Variants in RBMS1 observed in about 807,000 individuals in gnomAD.
RBMS1 encodes the protein RNA-binding motif, single-stranded-interacting protein 1.
In RBMS1, 17 loss-of-function variants were observed where a neutral mutation model predicts 62.3. The observed-to-expected ratio is 0.27, with a 90% CI of 0.19 to 0.41. The LOEUF (loss-of-function observed/expected upper bound fraction) is 0.41, where lower values mean the gene tolerates loss of function less well. Among genes scored for constraint, RBMS1 ranks in the 10% least tolerant of loss-of-function variants. The probability of loss-of-function intolerance (pLI) is 1.00; values close to 1 mark genes in which losing one functional copy is unlikely to be tolerated. For missense variants in RBMS1, 334 were observed against 504.5 expected (o/e 0.66, Z 3.24); for synonymous variants, 172 against 170.0 (o/e 1.01, Z -0.09).
At chr2:160,383,453 T>TTGGGG (rs1553518102) in intron 1 of RBMS1, among the ~76,000 whole-genome samples, 1 of 75,000 alleles carries the variant, frequency 1.3e-5, no homozygotes, top group African/African-American at 3.6e-5. Flanking sequence ...AGACATGAAT[T>TTGGGG]GGGGGGGGGG....
intron 9 of RBMS1, 79 bp downstream of exon 9, chr2:160,284,696 T>C (rs760404004): frequency 1.7e-6 from 2 of 1,175,700 alleles, no homozygotes; most frequent in African/African-American, 3.0e-5. Flanking sequence ...ACGCTCAAAA[T>C]TTTAAGACAC....
intron 1 of RBMS1, among the ~76,000 whole-genome samples, chr2:160,455,546 A>G (rs1684183174): frequency 6.6e-6 from 1 of 152,236 alleles, no homozygotes; most frequent in Admixed American, 6.5e-5. Context: ...CTGCATGGAT[A>G]CTATTTACTG....
At chr2:160,349,501 G>A (rs1011020342) in intron 2 of RBMS1, among the ~76,000 whole-genome samples, 1 of 151,276 alleles carries the variant, frequency 6.6e-6, no homozygotes, top group South Asian at 2.1e-4. Flanking sequence ...GCCTTTCCCA[G>A]CACTGAGTAA....
chr2:160,375,441 T>C (rs777862600), intron 1 of RBMS1, among the ~76,000 whole-genome samples: 6 of 152,158 alleles, frequency 3.9e-5, no homozygotes, highest in Non-Finnish European at 7.4e-5. Context: ...AAAACAATCT[T>C]AAAGAGCTCC....
At chr2:160,279,064 G>T in intron 10 of RBMS1, 1 of 161,386 alleles carries the variant, frequency 6.2e-6, no homozygotes, top group South Asian at 1.7e-4. Flanking sequence ...GGAAAAAAAA[G>T]GCAGTTGATG....
At chr2:160,490,955 C>A (rs1008570300) in intron 1 of RBMS1, among the ~76,000 whole-genome samples, 2 of 152,082 alleles carry the variant, frequency 1.3e-5, no homozygotes, top group East Asian at 3.9e-4. Flanking sequence ...CACACAGAGG[C>A]AAGAATCATG....
chr2:160,383,598 A>G (rs779013297), intron 1 of RBMS1, among the ~76,000 whole-genome samples: 4 of 152,190 alleles, frequency 2.6e-5, no homozygotes, highest in Non-Finnish European at 5.9e-5. Flanking sequence ...AGATCAGGGT[A>G]ATTAGCATAT....
At chr2:160,361,596 T>G (rs1693131801) in intron 2 of RBMS1, among the ~76,000 whole-genome samples, 1 of 152,208 alleles carries the variant, frequency 6.6e-6, no homozygotes, top group South Asian at 2.1e-4. Flanking sequence ...ATGTTTACAC[T>G]ATATTGTAGC....
chr2:160,390,870 C>G (rs2105210804), intron 1 of RBMS1, among the ~76,000 whole-genome samples: 1 of 133,786 alleles, frequency 7.5e-6, no homozygotes, highest in South Asian at 2.5e-4. Flanking sequence ...TATCTTCTAA[C>G]TGCAAGTTAA....
intron 4 of RBMS1, among the ~76,000 whole-genome samples, chr2:160,308,191 C>G (rs1574254229): frequency 6.6e-6 from 1 of 151,960 alleles, no homozygotes; most frequent in Admixed American, 6.6e-5. Context: ...CTCACGAGTG[C>G]GAGACCAGCC....
At chr2:160,292,845 C>T (rs1343284361) in intron 6 of RBMS1, among the ~76,000 whole-genome samples, 1 of 152,152 alleles carries the variant, frequency 6.6e-6, no homozygotes, top group African/African-American at 2.4e-5. Flanking sequence ...AGGTTGTGGG[C>T]CCCTGTCACT....
chr2:160,284,687 C>T (rs759141148), intron 9 of RBMS1, 88 bp downstream of exon 9: 16 of 1,072,218 alleles, frequency 1.5e-5, no homozygotes, highest in African/African-American at 4.7e-5. Flanking sequence ...ATTTCATAAA[C>T]GCTCAAAATT....
intron 4 of RBMS1, among the ~76,000 whole-genome samples, chr2:160,310,033 A>C (rs1689762702): frequency 6.6e-6 from 1 of 152,246 alleles, no homozygotes; most frequent in African/African-American, 2.4e-5. Flanking sequence ...TCTGTTCCTG[A>C]AAATCAGAAA....
chr2:160,470,484 T>G (rs1684870656), intron 1 of RBMS1, among the ~76,000 whole-genome samples: 1 of 152,208 alleles, frequency 6.6e-6, no homozygotes. Flanking sequence ...CTGTAATCAC[T>G]ATCATTACTA....
chr2:160,463,471 C>T (rs979522659), intron 1 of RBMS1, among the ~76,000 whole-genome samples: 3 of 152,176 alleles, frequency 2.0e-5, no homozygotes, highest in Admixed American at 1.3e-4. Context: ...CAGAATGAGA[C>T]GCACTTCAGT....
intron 1 of RBMS1, among the ~76,000 whole-genome samples, chr2:160,474,904 G>A (rs928011813): frequency 6.6e-6 from 1 of 152,126 alleles, no homozygotes; most frequent in Non-Finnish European, 1.5e-5. Context: ...GTAATATATC[G>A]TATTTATGGT....
chr2:160,449,658 C>A (rs1375881801), intron 1 of RBMS1, among the ~76,000 whole-genome samples: 1 of 152,080 alleles, frequency 6.6e-6, no homozygotes, highest in Non-Finnish European at 1.5e-5. Context: ...ACCACTCCCT[C>A]ATCTCAAGTA....
At chr2:160,313,545 A>G (rs1487916457) in intron 3 of RBMS1, among the ~76,000 whole-genome samples, 1 of 152,114 alleles carries the variant, frequency 6.6e-6, no homozygotes, top group Non-Finnish European at 1.5e-5. Flanking sequence ...TAAGTTGCCA[A>G]CCAAGTTTAA....
Position 160,404,204 on chromosome 2 carries a change from CTT to C in RBMS1, c.76-36815_76-36814del, listed in dbSNP as rs1331980182. ...TATCACTCCATTCAAAAGCTTCTCA[CTT>C]TGACTTGAGCTGAGCAGGTGTATTT... On this transcript the variant is annotated intron_variant, in intron 1 of 13. Coordinates refer to ENST00000348849, the MANE Select transcript of RBMS1 (RefSeq NM_016836.4). 2.0e-5 allele frequency among the ~76,000 whole-genome samples: 3 copies of C among 152,134 alleles called. No homozygotes were observed. In the South Asian group the frequency reaches 6.2e-4, roughly 31 times the overall value.
Sources: gnomAD v4.1 joint callset for allele counts (sites outside exome capture counted in the v4.1 genomes callset) on GRCh38, gnomAD v4.1.1 for gene constraint, MANE v1.5 for transcripts, NCBI Gene and HGNC (gene_info 2026-07-23, HGNC 2026-07-21) for gene names.